TMEM71: variants seen among roughly 807,000 people sequenced by gnomAD.
TMEM71 encodes the protein transmembrane protein 71.
In TMEM71, 44 loss-of-function variants were observed where a neutral mutation model predicts 38.0. The observed-to-expected ratio is 1.16, with a 90% CI of 0.91 to 1.49. TMEM71 has a LOEUF of 1.49. Among genes scored for constraint, TMEM71 ranks in the 40% most tolerant of loss-of-function variants. The pLI, the probability that TMEM71 is intolerant of heterozygous loss-of-function variation, is 0.00. For missense variants in TMEM71, 367 were observed against 348.6 expected, an observed-to-expected ratio of 1.05 and a Z score of -0.42; for synonymous variants, 133 against 122.5, an observed-to-expected ratio of 1.09 and a Z score of -0.56.
At chr8:132,738,243 G>T (rs990374144) in intron 5 of TMEM71, among the ~76,000 whole-genome samples, 2 of 152,114 alleles carry the variant, frequency 1.3e-5, no homozygotes, top group African/African-American at 4.8e-5. Context: ...CTGGTTCTAG[G>T]ATTTGAATTC....
chr8:132,746,496 T>TATAC (rs1554619200), intron 5 of TMEM71, among the ~76,000 whole-genome samples: 1 of 134,686 alleles, frequency 7.4e-6, no homozygotes, highest in African/African-American at 2.7e-5. Context: ...TACATATATA[T>TATAC]ACATATATAT....
chr8:132,748,215 A>G (rs1156583850), intron 4 of TMEM71, among the ~76,000 whole-genome samples: 1 of 152,260 alleles, frequency 6.6e-6, no homozygotes, highest in African/African-American at 2.4e-5. Flanking sequence ...CAGAAGATGC[A>G]TTTTGAATTG....
At chr8:132,765,858 G>A in the TMEM71 span, among the ~76,000 whole-genome samples, 1 of 151,634 alleles carries the variant, frequency 6.6e-6, no homozygotes, top group Non-Finnish European at 1.5e-5. Flanking sequence ...GCACGATCTC[G>A]GCTCACTACA....
At chr8:132,714,353 A>G (rs1826390214) in intron 7 of TMEM71, 138 bp from the exon 8 acceptor site, 1 of 688,304 alleles carries the variant, frequency 1.5e-6, no homozygotes, top group South Asian at 1.8e-5. Flanking sequence ...GTATTGGAAA[A>G]TGGACAGACA....
At chr8:132,759,974 T>C in intron 1 of TMEM71, among the ~76,000 whole-genome samples, 1 of 152,322 alleles carries the variant, frequency 6.6e-6, no homozygotes, top group African/African-American at 2.4e-5. Context: ...TAATGTAATA[T>C]ATTAGTATGT....
At chr8:132,758,522 T>C in intron 2 of TMEM71, 1 of 249,790 alleles carries the variant, frequency 4.0e-6, no homozygotes, top group Non-Finnish European at 7.6e-6. Flanking sequence ...GCTATCAAAA[T>C]CATTCAGCAT....
At position 132,719,195 on chromosome 8, in the gene TMEM71, G is replaced by C. The variant is rs917314467; in HGVS notation, c.752+2845C>G. Among the ~76,000 whole-genome samples the C allele has an allele frequency of 2.0e-5, 3 of 151,996 alleles. No homozygotes were observed. The East Asian group carries it at 5.8e-4, about 29-fold the overall frequency. On this transcript the variant is annotated intron_variant, in intron 7 of 9. Coordinates refer to ENST00000677595, the MANE Select transcript of TMEM71 (RefSeq NM_001382403.1). ...GTTGTCCTTTTCAGTATATACCCTC[G>C]GAATTAATCACTATTCTTACATCTA...
In TMEM71 at chr8:132,734,658, G is replaced by A. The variant is rs902773269; in HGVS notation, c.488-6672C>T. On this transcript the variant is annotated intron_variant, in intron 5 of 9. Coordinates refer to ENST00000677595, the MANE Select transcript of TMEM71 (RefSeq NM_001382403.1). ...CAAAAAAGTCTTAACATTCAAAAAC[G>A]ATCAAGGAGATTTTTCATCTCTGAA... Among the ~76,000 whole-genome samples the A allele has an allele frequency of 2.6e-4, 40 of 152,100 alleles. 1 individual carries two copies. The highest frequency in any genetic ancestry group is 7.2e-4 in the African/African-American group (30 of 41,422).
rs200344505 is a variant in TMEM71, at chr8:132,751,954, C to T, written c.145G>A (p.Gly49Ser). 4.5e-5 allele frequency: 72 copies of T among 1,613,956 alleles called. No homozygotes were observed. Among genetic ancestry groups the T allele is most frequent in the Admixed American group, 8.3e-5 (5 of 60,008 alleles). Residue 49 changes from glycine to serine, a missense_variant, in exon 4 of 10, where the codon GGC (glycine) becomes AGC (serine). By Grantham distance (56) the Gly-to-Ser change is moderately conservative (BLOSUM62 0). Coordinates refer to ENST00000677595, the MANE Select transcript of TMEM71 (RefSeq NM_001382403.1). Reference protein sequence around the residue: ...SLDGYHSFECGSIDPLTGSHY... With the variant: ...SLDGYHSFECSSIDPLTGSHY... ...GAGCCTGTCAGGGGATCTATGGAGC[C>T]GCATTCAAAAGAATGGTAACCATCC...
intron 7 of TMEM71, among the ~76,000 whole-genome samples, chr8:132,721,218 G>A (rs1367632300): frequency 6.6e-6 from 1 of 152,210 alleles, no homozygotes; most frequent in African/African-American, 2.4e-5. Flanking sequence ...CCTGATCACT[G>A]CCCTGGAGAC....
chr8:132,715,320 G>A, intron 7 of TMEM71, among the ~76,000 whole-genome samples: 1 of 147,612 alleles, frequency 6.8e-6, no homozygotes. Flanking sequence ...TGAGGCAGGA[G>A]AATGGCGTGA....
At chr8:132,757,192 G>T (rs201047755) in intron 3 of TMEM71, 42 bp downstream of exon 3, 5 of 1,497,216 alleles carry the variant, frequency 3.3e-6, no homozygotes, top group Middle Eastern at 1.8e-4. Flanking sequence ...CACCACGCCC[G>T]GCCAGAATGA....
At chr8:132,711,403 A>G (rs1286319558) in intron 9 of TMEM71, among the ~76,000 whole-genome samples, 2 of 152,088 alleles carry the variant, frequency 1.3e-5, no homozygotes, top group African/African-American at 2.4e-5. Context: ...AAAAGAATAC[A>G]CCTTCCAGAA....
At chr8:132,721,253 C>T (rs1826825375) in intron 7 of TMEM71, among the ~76,000 whole-genome samples, 1 of 152,102 alleles carries the variant, frequency 6.6e-6, no homozygotes, top group Non-Finnish European at 1.5e-5. Context: ...GAAAACAAGG[C>T]AGAGGAAGAA....
At chr8:132,756,974 C>A (rs1242667388) in intron 3 of TMEM71, among the ~76,000 whole-genome samples, 61 of 151,602 alleles carry the variant, frequency 4.0e-4, no homozygotes, top group Non-Finnish European at 7.4e-5. Flanking sequence ...GCAAGCTCCG[C>A]CTCCTGGATT....
At chr8:132,772,215 G>A in the TMEM71 span, among the ~76,000 whole-genome samples, 1 of 152,118 alleles carries the variant, frequency 6.6e-6, no homozygotes, top group Non-Finnish European at 1.5e-5. Flanking sequence ...AATATTCCAG[G>A]AGACATTATG....
intron 5 of TMEM71, among the ~76,000 whole-genome samples, chr8:132,746,390 T>C (rs13271352): frequency 8.1e-4 from 16 of 19,652 alleles, no homozygotes; most frequent in South Asian, 3.0e-3. Flanking sequence ...TATATATACA[T>C]ATATATATAC....
At chr8:132,763,979 T>A (rs1829333341), upstream of TMEM71, among the ~76,000 whole-genome samples, 1 of 152,214 alleles carries the variant, frequency 6.6e-6, no homozygotes, top group Admixed American at 6.5e-5. Context: ...ATCCCTCATG[T>A]ACTCATGATC....
intron 3 of TMEM71, 39 bp from the exon 4 acceptor site, chr8:132,752,036 A>G: frequency 6.6e-7 from 1 of 1,523,796 alleles, no homozygotes; most frequent in South Asian, 1.1e-5. Context: ...ATCTCTATTC[A>G]GTACATCCAG....
Sources: allele counts gnomAD v4.1 joint callset (sites outside exome capture counted in the v4.1 genomes callset), GRCh38; gene constraint gnomAD v4.1.1; transcripts MANE v1.5; gene names NCBI Gene and HGNC (gene_info 2026-07-23, HGNC 2026-07-21).